ZNF804B: variants seen among roughly 807,000 people sequenced by gnomAD.
The protein encoded by ZNF804B is zinc finger protein 804B, also known as zinc finger 804B.
Under a neutral mutation model 101.4 loss-of-function variants are expected in ZNF804B, and 80 were observed. The observed-to-expected ratio is 0.79, with a 90% CI of 0.66 to 0.95. The LOEUF is 0.95. ZNF804B is among the 40% of genes least tolerant of loss of function. The pLI, the probability that ZNF804B is intolerant of heterozygous loss-of-function variation, is 0.00. For missense variants in ZNF804B, 1,673 were observed against 1,561.9 expected (o/e 1.07, Z -1.20); for synonymous variants, 622 against 558.8 (o/e 1.11, Z -1.59).
At chr7:89,307,969 G>A (rs1790590706) in intron 2 of ZNF804B, among the ~76,000 whole-genome samples, 1 of 151,944 alleles carries the variant, frequency 6.6e-6, no homozygotes, top group South Asian at 2.1e-4. Context: ...TTAGTAGGGA[G>A]GCATATGACA....
intron 1 of ZNF804B, among the ~76,000 whole-genome samples, chr7:88,777,974 T>C (rs1047029287): frequency 5.9e-5 from 9 of 152,152 alleles, no homozygotes; most frequent in African/African-American, 1.9e-4. Context: ...TACAAATATT[T>C]ATATTCAACT....
At chr7:89,078,338 G>T (rs1407289078) in intron 1 of ZNF804B, among the ~76,000 whole-genome samples, 1 of 151,990 alleles carries the variant, frequency 6.6e-6, no homozygotes, top group Non-Finnish European at 1.5e-5. Context: ...CATAGCATGT[G>T]CTTACTAGAA....
intron 1 of ZNF804B, among the ~76,000 whole-genome samples, chr7:89,206,767 AAAAC>A (rs1164997005): frequency 6.6e-5 from 10 of 152,110 alleles, no homozygotes; most frequent in South Asian, 6.2e-4. Context: ...AACAAAACAA[AAAAC>A]AAACAAACCC....
chr7:89,144,407 A>G (rs1246077782), intron 1 of ZNF804B, among the ~76,000 whole-genome samples: 1 of 152,060 alleles, frequency 6.6e-6, no homozygotes, highest in Non-Finnish European at 1.5e-5. Flanking sequence ...AGAAATTACA[A>G]CTGTAAGTAA....
chr7:88,854,135 C>G (rs905248276), intron 1 of ZNF804B, among the ~76,000 whole-genome samples: 5 of 152,080 alleles, frequency 3.3e-5, no homozygotes, highest in Non-Finnish European at 7.4e-5. Flanking sequence ...ATAATAATAG[C>G]TAACCTTTGT....
chr7:89,021,821 A>G (rs762488688), intron 1 of ZNF804B, among the ~76,000 whole-genome samples: 2 of 152,158 alleles, frequency 1.3e-5, no homozygotes, highest in Non-Finnish European at 2.9e-5. Context: ...AGTGCTCTCT[A>G]GAAGTAGGTC....
chr7:89,093,578 T>G (rs1789926433), intron 1 of ZNF804B, among the ~76,000 whole-genome samples: 1 of 152,266 alleles, frequency 6.6e-6, no homozygotes, highest in African/African-American at 2.4e-5. Flanking sequence ...TCTGTTACCC[T>G]AAAAATGTTC....
chr7:89,141,631 T>A (rs1171179216), intron 1 of ZNF804B, among the ~76,000 whole-genome samples: 2 of 151,996 alleles, frequency 1.3e-5, no homozygotes, highest in Non-Finnish European at 2.9e-5. Flanking sequence ...TTTTGAGGAA[T>A]CACCATATTG....
At chr7:89,130,205 C>A (rs747047805) in intron 1 of ZNF804B, among the ~76,000 whole-genome samples, 1 of 151,826 alleles carries the variant, frequency 6.6e-6, no homozygotes, top group African/African-American at 2.4e-5. Flanking sequence ...GGCTGCGGGT[C>A]CCTTTATCTT....
intron 1 of ZNF804B, among the ~76,000 whole-genome samples, chr7:89,087,795 T>G (rs1208745573): frequency 1.3e-5 from 2 of 151,938 alleles, no homozygotes; most frequent in Admixed American, 6.6e-5. Context: ...TGCTTTCTTC[T>G]ACTTTCCTAC....
At chr7:88,774,488 G>T (rs748041366) in intron 1 of ZNF804B, among the ~76,000 whole-genome samples, 1 of 152,100 alleles carries the variant, frequency 6.6e-6, no homozygotes, top group Non-Finnish European at 1.5e-5. Flanking sequence ...GTTGGCCCCT[G>T]TCCATAGTGA....
intron 1 of ZNF804B, among the ~76,000 whole-genome samples, chr7:89,087,056 CAAA>C (rs35084707): frequency 0.45 from 63,962 of 140,876 alleles, 14,500 homozygotes; most frequent in Non-Finnish European, 0.53. Flanking sequence ...TTTTTAAATT[CAAA>C]AAAAAAAAAA....
chr7:88,816,775 G>A (rs13228684), intron 1 of ZNF804B, among the ~76,000 whole-genome samples: 42,112 of 118,532 alleles, frequency 0.36, 8,688 homozygotes, highest in East Asian at 0.78. Flanking sequence ...ACACTTTTAT[G>A]CTGTTGGTGG....
intron 1 of ZNF804B, among the ~76,000 whole-genome samples, chr7:89,053,845 T>A (rs967578): frequency 0.77 from 116,403 of 151,934 alleles, 44,663 homozygotes; most frequent in African/African-American, 0.79. Context: ...ATGAAAATTG[T>A]AGGCAGAAAT....
intron 1 of ZNF804B, among the ~76,000 whole-genome samples, chr7:89,158,944 A>G (rs1436509523): frequency 6.6e-6 from 1 of 152,152 alleles, no homozygotes; most frequent in Admixed American, 6.6e-5. Context: ...TTCATATCAT[A>G]TAATACAGAG....
chr7:89,285,546 AAAGAAGAAGAAG>A (rs774736524), intron 2 of ZNF804B, among the ~76,000 whole-genome samples: 3 of 93,446 alleles, frequency 3.2e-5, no homozygotes, highest in East Asian at 2.4e-4. Flanking sequence ...AAAAAAAAAA[AAAGAAGAAGAAG>A]AAGAAGAAGA....
chr7:89,079,800 C>T (rs1203731402), intron 1 of ZNF804B, among the ~76,000 whole-genome samples: 1 of 151,848 alleles, frequency 6.6e-6, no homozygotes, highest in African/African-American at 2.4e-5. Context: ...GAAAAGCTTT[C>T]CAAATAAAGG....
chr7:89,273,510 T>G (rs1789930473), intron 2 of ZNF804B, among the ~76,000 whole-genome samples: 1 of 152,180 alleles, frequency 6.6e-6, no homozygotes, highest in Non-Finnish European at 1.5e-5. Context: ...TATTCAGTTA[T>G]AGCCAACTTA....
At chr7:89,106,259 G>A (rs755815761) in intron 1 of ZNF804B, among the ~76,000 whole-genome samples, 2 of 152,112 alleles carry the variant, frequency 1.3e-5, no homozygotes. Context: ...ACTGTTACAT[G>A]TTTTTGTTTT....
Sources: allele counts gnomAD v4.1 joint callset (sites outside exome capture counted in the v4.1 genomes callset), GRCh38; gene constraint gnomAD v4.1.1; transcripts MANE v1.5; gene names NCBI Gene and HGNC (gene_info 2026-07-23, HGNC 2026-07-21).